The following ADAM20 variants were observed in gnomAD, a reference collection of about 807,000 sequenced individuals.
ADAM20 encodes the protein disintegrin and metalloproteinase domain-containing protein 20.
For synonymous variants in ADAM20, 305 were observed against 310.2 expected (o/e 0.98, Z 0.18); for missense variants, 871 against 883.2 (o/e 0.99, Z 0.18).
chr14:70,528,772 A>G (rs1883647455), intron 1 of ADAM20, among the ~76,000 whole-genome samples: 3 of 152,248 alleles, frequency 2.0e-5, no homozygotes, highest in Admixed American at 6.5e-5. Context: ...ATAGATGGCC[A>G]CATGAAAAGA....
the ADAM20 span, among the ~76,000 whole-genome samples, chr14:70,574,583 T>G: frequency 6.6e-6 from 1 of 151,324 alleles, no homozygotes; most frequent in East Asian, 1.9e-4. Context: ...GAGCTTGCAG[T>G]GAGCCGAGAT....
At chr14:70,574,559 G>T in the ADAM20 span, among the ~76,000 whole-genome samples, 192 of 152,102 alleles carry the variant, frequency 1.3e-3, 1 homozygote, top group African/African-American at 4.1e-3. Flanking sequence ...AGAATGGTGT[G>T]AACCCGGGAG....
chr14:70,554,435 T>C, the ADAM20 span, among the ~76,000 whole-genome samples: 1 of 152,226 alleles, frequency 6.6e-6, no homozygotes, highest in East Asian at 1.9e-4. Flanking sequence ...AACTGCACTC[T>C]CATGTTCACT....
the ADAM20 span, among the ~76,000 whole-genome samples, chr14:70,544,293 T>C: frequency 6.6e-6 from 1 of 152,234 alleles, no homozygotes; most frequent in Non-Finnish European, 1.5e-5. Context: ...TCTTTGACTG[T>C]TGAGCCGCTT....
the ADAM20 span, among the ~76,000 whole-genome samples, chr14:70,568,840 T>C: frequency 6.6e-6 from 1 of 152,060 alleles, no homozygotes; most frequent in Non-Finnish European, 1.5e-5. Context: ...ACAAAGCCTT[T>C]GGAAATACAA....
the ADAM20 span, among the ~76,000 whole-genome samples, chr14:70,558,289 T>C: frequency 6.6e-6 from 1 of 152,192 alleles, no homozygotes; most frequent in African/African-American, 2.4e-5. Flanking sequence ...GGATCTCCAG[T>C]GAAGTAGTTT....
At chr14:70,573,027 G>C in the ADAM20 span, among the ~76,000 whole-genome samples, 4 of 152,120 alleles carry the variant, frequency 2.6e-5, no homozygotes, top group Non-Finnish European at 4.4e-5. Flanking sequence ...ATAGTATGGA[G>C]AATTCTCAAA....
At chr14:70,547,296 G>A in the ADAM20 span, 1,389 of 153,744 alleles carry the variant, frequency 9.0e-3, 8 homozygotes, top group Non-Finnish European at 0.015. Flanking sequence ...TAGCAGAGGA[G>A]GGAGCCAAGA....
the ADAM20 span, among the ~76,000 whole-genome samples, chr14:70,573,567 A>G: frequency 1.3e-5 from 2 of 152,192 alleles, no homozygotes; most frequent in Admixed American, 6.5e-5. Context: ...ACCTGAATTT[A>G]TAATTTTTTA....
the ADAM20 span, among the ~76,000 whole-genome samples, chr14:70,571,751 A>C: frequency 6.6e-6 from 1 of 152,214 alleles, no homozygotes; most frequent in Non-Finnish European, 1.5e-5. Context: ...AGATTCATCC[A>C]AAAGACTCCT....
At chr14:70,553,891 A>G in the ADAM20 span, among the ~76,000 whole-genome samples, 1 of 152,218 alleles carries the variant, frequency 6.6e-6, no homozygotes, top group Non-Finnish European at 1.5e-5. Flanking sequence ...AAGGATGCCC[A>G]CTGTCACCAC....
At chr14:70,546,081 C>T in the ADAM20 span, among the ~76,000 whole-genome samples, 5 of 151,926 alleles carry the variant, frequency 3.3e-5, no homozygotes, top group African/African-American at 4.8e-5. Flanking sequence ...TGTGGAAATT[C>T]GACAATAAGC....
rs762354361 is a variant in ADAM20, at chr14:70,523,977, T to C, written c.781A>G (p.Thr261Ala). ...DVILTGIDIW[T>A]ASNPLPTSGD... ...CTGGTAGGAAGTGGATTTGATGCAG[T>C]CCATATATCAATTCCAGTCAAAATT... Residue 261 changes from threonine (T) to alanine (A), a missense_variant, in exon 2 of 2, where the codon ACT becomes GCT. Coordinates refer to ENST00000256389, the MANE Select transcript of ADAM20 (RefSeq NM_003814.5). The C allele has an allele frequency of 6.8e-6, 11 of 1,613,866 alleles. No individual in the cohort carries two copies. In the African/African-American group the frequency reaches 1.3e-4, roughly 20 times the overall value.
the ADAM20 span, among the ~76,000 whole-genome samples, chr14:70,569,257 C>T: frequency 6.6e-6 from 1 of 152,098 alleles, no homozygotes; most frequent in African/African-American, 2.4e-5. Flanking sequence ...ATAAGCCCTA[C>T]AAGAAATATT....
the ADAM20 span, among the ~76,000 whole-genome samples, chr14:70,545,836 G>A: frequency 4.6e-5 from 7 of 152,262 alleles, no homozygotes; most frequent in Admixed American, 2.0e-4. Context: ...AGAAATATCA[G>A]ACTTAACCTG....
chr14:70,523,748 GC>G lies in ADAM20; in HGVS notation c.1009del (p.Ala337GlnfsTer29). 6.2e-7 allele frequency: 1 copy of G among 1,614,018 alleles called. No individual in the cohort carries two copies. The highest frequency in any genetic ancestry group is 2.2e-5 in the East Asian group (1 of 44,876). On this transcript the variant is annotated frameshift_variant, in exon 2 of 2. Transcript: ENST00000256389. LOFTEE classifies it low-confidence loss of function (END_TRUNC). ...VFEDNRLVVF[A>X]ITLGHELGHN... The stretch of plus-strand genomic sequence containing the variant: ...ACCAAGCTCGTGGCCCAAAGTAATT[GC>G]AAAAACGACCAACCTGTTGTCTTCA...
the ADAM20 span, among the ~76,000 whole-genome samples, chr14:70,540,515 A>G: frequency 6.6e-6 from 1 of 152,206 alleles, no homozygotes; most frequent in African/African-American, 2.4e-5. Flanking sequence ...AAGCAATTTT[A>G]TACTTATCTC....
chr14:70,543,323 C>T, the ADAM20 span, among the ~76,000 whole-genome samples: 1 of 152,230 alleles, frequency 6.6e-6, no homozygotes, highest in African/African-American at 2.4e-5. Flanking sequence ...TATACTGTAG[C>T]ACCCTTAGGG....
At chr14:70,569,796 A>G in the ADAM20 span, among the ~76,000 whole-genome samples, 1 of 150,548 alleles carries the variant, frequency 6.6e-6, no homozygotes, top group Non-Finnish European at 1.5e-5. Flanking sequence ...ATACTAGTAG[A>G]CTTCAGAGAT....
Sources: gnomAD v4.1 joint callset for allele counts (sites outside exome capture counted in the v4.1 genomes callset) on GRCh38, gnomAD v4.1.1 for gene constraint, MANE v1.5 for transcripts, NCBI Gene and HGNC (gene_info 2026-07-23, HGNC 2026-07-21) for gene names.